The following KAZN variants were observed in gnomAD, a reference collection of about 807,000 sequenced individuals.
KAZN encodes kazrin, periplakin interacting protein.
Under a neutral mutation model 87.4 loss-of-function variants are expected in KAZN, and 40 were observed. The ratio of observed to expected loss-of-function variants is 0.46; its 90% CI spans 0.36 to 0.60. The LOEUF (loss-of-function observed/expected upper bound fraction) is 0.60, where lower values mean the gene tolerates loss of function less well. KAZN is among the 20% of genes least tolerant of loss of function. KAZN has a pLI of 0.00. For synonymous variants in KAZN, 466 were observed against 458.3 expected (o/e 1.02, Z -0.22); for missense variants, 898 against 1,073.9 (o/e 0.84, Z 2.29).
chr1:15,102,332 C>T (rs986136621), intron 11 of KAZN, among the ~76,000 whole-genome samples: 13 of 152,062 alleles, frequency 8.5e-5, no homozygotes, highest in African/African-American at 1.9e-4. Flanking sequence ...AATTGAGACC[C>T]GAAGGAGGAA....
chr1:14,523,868 G>C (rs994643698), intron 2 of KAZN, among the ~76,000 whole-genome samples: 2 of 152,352 alleles, frequency 1.3e-5, no homozygotes, highest in Non-Finnish European at 2.9e-5. Context: ...GGGGCTTACA[G>C]ACATGGCAGA....
At chr1:15,068,438 C>T (rs1639360827) in intron 8 of KAZN, among the ~76,000 whole-genome samples, 1 of 152,144 alleles carries the variant, frequency 6.6e-6, no homozygotes, top group Non-Finnish European at 1.5e-5. Flanking sequence ...CATTGTGGAG[C>T]TTAGTGGCCC....
At chr1:15,042,097 C>T (rs957435349) in intron 3 of KAZN, among the ~76,000 whole-genome samples, 2 of 152,188 alleles carry the variant, frequency 1.3e-5, no homozygotes, top group African/African-American at 4.8e-5. Context: ...ACAGGCCTTC[C>T]CACCCGGCCT....
At chr1:14,922,952 G>A (rs1658700370) in intron 1 of KAZN, among the ~76,000 whole-genome samples, 1 of 152,210 alleles carries the variant, frequency 6.6e-6, no homozygotes, top group Admixed American at 6.5e-5. Flanking sequence ...TGTGGTTGCT[G>A]AGAGCCAGGG....
chr1:13,894,948 C>A (rs772404952), intron 1 of KAZN, among the ~76,000 whole-genome samples: 9 of 152,130 alleles, frequency 5.9e-5, no homozygotes, highest in Non-Finnish European at 1.2e-4. Flanking sequence ...GGGTTGGGGT[C>A]CCAGTTTCAC....
intron 1 of KAZN, among the ~76,000 whole-genome samples, chr1:14,813,543 T>A (rs1330958477): frequency 2.0e-5 from 3 of 152,196 alleles, no homozygotes; most frequent in African/African-American, 7.2e-5. Context: ...ACCCCTCGGT[T>A]AATGCCATGT....
chr1:14,038,872 G>A (rs1641676651), intron 1 of KAZN, among the ~76,000 whole-genome samples: 1 of 152,116 alleles, frequency 6.6e-6, no homozygotes, highest in South Asian at 2.1e-4. Context: ...CTCTGTAAAA[G>A]TAGGGATTAA....
At chr1:14,747,712 G>T (rs76166435) in intron 1 of KAZN, among the ~76,000 whole-genome samples, 1,801 of 152,236 alleles carry the variant, frequency 0.012, 19 homozygotes, top group South Asian at 0.067. Flanking sequence ...CAATTCTTTT[G>T]GTTATATACT....
chr1:14,007,669 C>T (rs1570510749), intron 1 of KAZN, among the ~76,000 whole-genome samples: 1 of 152,226 alleles, frequency 6.6e-6, no homozygotes, highest in African/African-American at 2.4e-5. Flanking sequence ...ACACTAGTTT[C>T]CAAATCACTA....
At chr1:14,470,709 G>C (rs1668410553) in intron 2 of KAZN, among the ~76,000 whole-genome samples, 1 of 152,082 alleles carries the variant, frequency 6.6e-6, no homozygotes, top group African/African-American at 2.4e-5. Flanking sequence ...GAAGAGTGTG[G>C]GCAAGCCATT....
intron 2 of KAZN, among the ~76,000 whole-genome samples, chr1:14,407,524 A>G (rs1281282070): frequency 6.6e-6 from 1 of 152,176 alleles, no homozygotes; most frequent in African/African-American, 2.4e-5. Flanking sequence ...ATAATACCAG[A>G]GTTGCAAGAG....
At chr1:14,489,681 C>T (rs1427732230) in intron 2 of KAZN, among the ~76,000 whole-genome samples, 1 of 151,068 alleles carries the variant, frequency 6.6e-6, no homozygotes, top group Non-Finnish European at 1.5e-5. Context: ...TTGCAGTGAG[C>T]CTAGATTGCA....
chr1:14,351,549 C>G (rs1380904718), intron 2 of KAZN, among the ~76,000 whole-genome samples: 1 of 152,142 alleles, frequency 6.6e-6, no homozygotes, highest in Non-Finnish European at 1.5e-5. Context: ...CAGAGCTAGA[C>G]TCCAGTCTCA....
At chr1:14,368,419 T>C (rs1030425890) in intron 2 of KAZN, among the ~76,000 whole-genome samples, 2 of 152,200 alleles carry the variant, frequency 1.3e-5, no homozygotes, top group African/African-American at 4.8e-5. Flanking sequence ...TTATGAATGA[T>C]CCATCCATTA....
intron 1 of KAZN, among the ~76,000 whole-genome samples, chr1:14,004,243 CA>C (rs1249062948): frequency 6.6e-6 from 1 of 152,006 alleles, no homozygotes; most frequent in Non-Finnish European, 1.5e-5. Flanking sequence ...AAAAATGTGG[CA>C]CAACCAAAAC....
At chr1:14,194,967 G>T (rs1200073729) in intron 2 of KAZN, among the ~76,000 whole-genome samples, 1 of 152,060 alleles carries the variant, frequency 6.6e-6, no homozygotes, top group Non-Finnish European at 1.5e-5. Flanking sequence ...AGATTTGGTT[G>T]GAGTATTCAA....
Position 15,081,082 on chromosome 1 carries a change from G to A in KAZN, c.1223-13098G>A, listed in dbSNP as rs1573267008. Among the ~76,000 whole-genome samples, 2 of 152,380 alleles carry A rather than the reference G, an allele frequency of 1.3e-5. No individual in the cohort carries two copies. The highest frequency in any genetic ancestry group is 1.5e-5 in the Non-Finnish European group (1 of 68,042). Reference sequence around the variant, plus strand: ...TGACCCTGCTGTGGCTGGAAGAGGCGTGGACGAGGCGGGGTTGGCAGAAGA... The same window carrying A: ...TGACCCTGCTGTGGCTGGAAGAGGCATGGACGAGGCGGGGTTGGCAGAAGA... On this transcript the variant is annotated intron_variant, in intron 8 of 14. Transcript: ENST00000376030. The surrounding 1 kb of genome is among the most constrained non-coding windows in gnomAD (Gnocchi z 4.1).
At chr1:14,984,203 C>A (rs918781403) in intron 2 of KAZN, among the ~76,000 whole-genome samples, 1 of 151,934 alleles carries the variant, frequency 6.6e-6, no homozygotes, top group Non-Finnish European at 1.5e-5. Flanking sequence ...ACTAAAAATA[C>A]AAAATGAGCC....
intron 1 of KAZN, among the ~76,000 whole-genome samples, chr1:14,611,086 AAACTC>A (rs1463062296): frequency 3.9e-5 from 6 of 152,200 alleles, no homozygotes; most frequent in African/African-American, 1.4e-4. Flanking sequence ...GTATGGCAGA[AAACTC>A]AGGGAGATGG....
Sources: gnomAD v4.1 joint callset for allele counts (sites outside exome capture counted in the v4.1 genomes callset) on GRCh38, gnomAD v4.1.1 for gene constraint, Gnocchi (gnomAD v3.1) non-coding constraint, MANE v1.5 for transcripts, NCBI Gene and HGNC (gene_info 2026-07-23, HGNC 2026-07-21) for gene names.